KCNK2: variants seen among roughly 807,000 people sequenced by gnomAD.
The protein encoded by KCNK2 is potassium two pore domain channel subfamily K member 2.
Under a neutral mutation model 40.5 loss-of-function variants are expected in KCNK2, and 21 were observed. The observed-to-expected ratio is 0.52, with a 90% CI of 0.37 to 0.75. The LOEUF (loss-of-function observed/expected upper bound fraction) is 0.75, where lower values mean the gene tolerates loss of function less well. Ranked by LOEUF, KCNK2 falls within the 30% of genes least tolerant of loss-of-function variation. The pLI is 0.00. For missense variants in KCNK2, 399 were observed against 531.6 expected (o/e 0.75, Z 2.45); for synonymous variants, 191 against 202.2 (o/e 0.94, Z 0.47).
chr1:215,158,065 C>G (rs1390529602), intron 3 of KCNK2, among the ~76,000 whole-genome samples: 2 of 152,176 alleles, frequency 1.3e-5, no homozygotes, highest in Non-Finnish European at 2.9e-5. Flanking sequence ...AGGGATGCCT[C>G]CTCCAAGACA....
chr1:215,177,740 A>ATGTGTATATATATATATATATATTTT, intron 5 of KCNK2, among the ~76,000 whole-genome samples: 1 of 101,600 alleles, frequency 9.8e-6, no homozygotes, highest in African/African-American at 3.5e-5. Context: ...ATATATATAT[A>ATGTGTATATATATATATATATATTTT]TTTTTTTTTT....
Position 215,010,868 on chromosome 1 carries a change from TTGTGTG to T in KCNK2, c.34+4937_34+4942del, listed in dbSNP as rs1310617219. On this transcript the variant is annotated intron_variant, in intron 1 of 6. Transcript: ENST00000391895. ...GGACACAGATTTTTTTTTTTTTTTTTTGTGTGTGTGTGTGTGTGTGTGTGTGTGTAT... is the reference window on the plus strand; with the variant it reads ...GGACACAGATTTTTTTTTTTTTTTTTTGTGTGTGTGTGTGTGTGTGTGTAT... Among the ~76,000 whole-genome samples the T allele has an allele frequency of 8.8e-3, 1,200 of 135,750 alleles. 21 individuals are homozygous for T. The highest frequency in any genetic ancestry group is 0.076 in the South Asian group (315 of 4,168). The allele number at this position is 135,750 out of a possible 152,430, so 89.1% of individuals were successfully genotyped here.
At chr1:215,011,979 CA>C (rs1656414920) in intron 1 of KCNK2, among the ~76,000 whole-genome samples, 1 of 152,128 alleles carries the variant, frequency 6.6e-6, no homozygotes, top group East Asian at 1.9e-4. Flanking sequence ...GTGTGTATAT[CA>C]GTAGTTTGTT....
chr1:215,194,889 A>T, intron 5 of KCNK2, 64 bp from the exon 6 acceptor site: 1 of 1,484,070 alleles, frequency 6.7e-7, no homozygotes, highest in Non-Finnish European at 9.3e-7. Context: ...TAATTTTAGC[A>T]ATACCTAGAT....
intron 2 of KCNK2, among the ~76,000 whole-genome samples, chr1:215,101,031 G>A (rs898904897): frequency 7.9e-6 from 1 of 127,222 alleles, no homozygotes; most frequent in Non-Finnish European, 1.8e-5. Flanking sequence ...GAGGCCTGAA[G>A]TAAGATAGTT....
At chr1:215,025,193 A>T (rs1241665267) in intron 1 of KCNK2, among the ~76,000 whole-genome samples, 3 of 151,992 alleles carry the variant, frequency 2.0e-5, no homozygotes. Context: ...TTAAATGAGG[A>T]TAATATTTTC....
intron 6 of KCNK2, among the ~76,000 whole-genome samples, chr1:215,227,802 G>A (rs1477907060): frequency 1.3e-5 from 2 of 151,932 alleles, no homozygotes; most frequent in Non-Finnish European, 2.9e-5. Context: ...GAGGAAAAGA[G>A]GTAAATAAGC....
At position 215,033,385 on chromosome 1, in the gene KCNK2, G is replaced by A. The variant is rs567433402; in HGVS notation, c.34+27430G>A. 1.8e-4 allele frequency among the ~76,000 whole-genome samples: 28 copies of A among 151,682 alleles called. No individual in the cohort carries two copies. The South Asian group carries it at 5.2e-3, about 28-fold the overall frequency. On this transcript the variant is annotated intron_variant, in intron 1 of 6. Transcript: ENST00000391895. ...TGAGTTTGGTTCTGATACTTACTCT[G>A]TCTCTTTTAACTGTGTTTATTTTTT... is the stretch of plus-strand genomic sequence containing the variant.
At chr1:215,121,672 C>T (rs1187495081) in intron 2 of KCNK2, among the ~76,000 whole-genome samples, 1 of 152,130 alleles carries the variant, frequency 6.6e-6, no homozygotes, top group African/African-American at 2.4e-5. Flanking sequence ...ATGAAGTCTG[C>T]CAGCAGCTAT....
chr1:215,128,790 G>C (rs1183837735), intron 3 of KCNK2, among the ~76,000 whole-genome samples: 1 of 151,816 alleles, frequency 6.6e-6, no homozygotes, highest in Non-Finnish European at 1.5e-5. Context: ...CTTGTTTAAA[G>C]GAATTGTTTA....
rs565775676 is a variant in KCNK2 at position 215,172,091 on chromosome 1, T to A, written c.731T>A (p.Ile244Lys). Reference sequence around the variant, plus strand: ...CTCTTTGTGGCTCTGCCTGCGATCATATTCAAACACATAGAAGGCTGGAGT... The same window carrying A: ...CTCTTTGTGGCTCTGCCTGCGATCAAATTCAAACACATAGAAGGCTGGAGT... ...CVLFVALPAI[I>K]FKHIEGWSAL... The change falls in exon 5 of 7, where the codon ATA becomes AAA. Residue 244 changes from isoleucine (I) to lysine (K), a missense_variant. Transcript: ENST00000444842. 2 of 1,613,596 alleles carry A rather than the reference T, an allele frequency of 1.2e-6. No homozygotes were observed. Among genetic ancestry groups the A allele is most frequent in the Non-Finnish European group, 1.7e-6 (2 of 1,179,710 alleles).
chr1:215,211,110 G>C (rs1000697044), intron 6 of KCNK2, among the ~76,000 whole-genome samples: 2 of 152,018 alleles, frequency 1.3e-5, no homozygotes, highest in Non-Finnish European at 2.9e-5. Flanking sequence ...AGTTTTTGAT[G>C]GCTTCCCTTT....
intron 2 of KCNK2, among the ~76,000 whole-genome samples, chr1:215,113,422 C>G (rs954277527): frequency 6.6e-6 from 1 of 152,136 alleles, no homozygotes; most frequent in African/African-American, 2.4e-5. Flanking sequence ...AAGTGACCCA[C>G]TTAGCCTCTT....
At chr1:215,053,326 T>C (rs1658052618) in intron 1 of KCNK2, among the ~76,000 whole-genome samples, 1 of 152,084 alleles carries the variant, frequency 6.6e-6, no homozygotes. Flanking sequence ...TTCTGGGTGG[T>C]GGGCAGGGAG....
chr1:215,184,138 C>A (rs1664335250), intron 5 of KCNK2, among the ~76,000 whole-genome samples: 2 of 152,104 alleles, frequency 1.3e-5, no homozygotes, highest in South Asian at 4.1e-4. Flanking sequence ...CTTTTAGTTT[C>A]ATAATTAGTA....
At chr1:215,126,819 T>G (rs1302665662) in intron 3 of KCNK2, among the ~76,000 whole-genome samples, 1 of 152,144 alleles carries the variant, frequency 6.6e-6, no homozygotes, top group African/African-American at 2.4e-5. Context: ...CTGTTCTATC[T>G]CAGGCTTTAG....
Position 215,063,144 on chromosome 1 carries a change from G to A in KCNK2, c.35-23224G>A, listed in dbSNP as rs75124840. Among the ~76,000 whole-genome samples, 5 of 148,884 alleles carry A rather than the reference G, an allele frequency of 3.4e-5. No homozygotes were observed. The South Asian group carries it at 1.3e-3, about 38-fold the overall frequency. On this transcript the variant is annotated intron_variant, in intron 1 of 6. Coordinates refer to the KCNK2 transcript ENST00000391895. ...GGGAGAGTGGTCTGTTTGTGGGAAC[G>A]GTAAGCAATAAACAATAATAAAGCT...
chr1:215,142,029 T>G (rs190403442), intron 3 of KCNK2, among the ~76,000 whole-genome samples: 1 of 152,212 alleles, frequency 6.6e-6, no homozygotes, highest in African/African-American at 2.4e-5. Flanking sequence ...TCTGTAATTC[T>G]GGGAAATCTT....
At chr1:215,020,536 G>A (rs4294386) in intron 1 of KCNK2, among the ~76,000 whole-genome samples, 66,778 of 151,882 alleles carry the variant, frequency 0.44, 16,357 homozygotes, top group Non-Finnish European at 0.55. Context: ...AGCGATTATT[G>A]TGCCTCAGCC....
Sources: allele counts gnomAD v4.1 joint callset (sites outside exome capture counted in the v4.1 genomes callset), GRCh38; gene constraint gnomAD v4.1.1; transcripts MANE v1.5; gene names NCBI Gene and HGNC (gene_info 2026-07-23, HGNC 2026-07-21).